ZDHHC14: variants seen among roughly 807,000 people sequenced by gnomAD.
The protein encoded by ZDHHC14 is zDHHC palmitoyltransferase 14.
A neutral mutation model predicts 47.7 loss-of-function variants in ZDHHC14; 16 were observed. That is an observed-to-expected ratio of 0.34 (90% CI 0.23 to 0.51). The LOEUF is 0.51. Ranked by LOEUF, ZDHHC14 falls within the 20% of genes least tolerant of loss-of-function variation. The pLI, the probability that ZDHHC14 is intolerant of heterozygous loss-of-function variation, is 0.97. For missense variants in ZDHHC14, 515 were observed against 662.5 expected (o/e 0.78, Z 2.44); for synonymous variants, 293 against 278.9 (o/e 1.05, Z -0.50).
chr6:157,479,426 C>G (rs1292142093), intron 1 of ZDHHC14, among the ~76,000 whole-genome samples: 1 of 152,146 alleles, frequency 6.6e-6, no homozygotes, highest in Non-Finnish European at 1.5e-5. Flanking sequence ...CGGTTTCCAA[C>G]AGGGGGAGTG....
intron 1 of ZDHHC14, among the ~76,000 whole-genome samples, chr6:157,511,547 C>CTTTTTTTTTTTTTTTTTTTTTTTTTT (rs34988240): frequency 2.1e-4 from 24 of 114,876 alleles, no homozygotes; most frequent in Admixed American, 4.0e-4. Context: ...AGCCCGGGTA[C>CTTTTTTTTTTTTTTTTTTTTTTTTTT]TTTTTTTTTT....
chr6:157,638,466 C>T (rs998776285), intron 5 of ZDHHC14, among the ~76,000 whole-genome samples: 7 of 152,108 alleles, frequency 4.6e-5, no homozygotes, highest in African/African-American at 1.7e-4. Flanking sequence ...CTGGCCTTCT[C>T]CATGGACACA....
At chr6:157,535,322 A>G (rs1781508024) in intron 1 of ZDHHC14, among the ~76,000 whole-genome samples, 1 of 152,198 alleles carries the variant, frequency 6.6e-6, no homozygotes, top group Non-Finnish European at 1.5e-5. Context: ...CTGTAGGGAA[A>G]AACCAGATTT....
intron 2 of ZDHHC14, among the ~76,000 whole-genome samples, chr6:157,589,556 G>C (rs958453255): frequency 2.0e-5 from 3 of 152,070 alleles, no homozygotes; most frequent in African/African-American, 7.2e-5. Context: ...GTTCTCATGA[G>C]ATATTTGCTT....
chr6:157,671,354 A>G (rs1010662063), intron 8 of ZDHHC14, among the ~76,000 whole-genome samples: 20 of 152,310 alleles, frequency 1.3e-4, no homozygotes, highest in African/African-American at 4.3e-4. Context: ...AGAGGGGAAC[A>G]GGCTCATTCT....
intron 1 of ZDHHC14, among the ~76,000 whole-genome samples, chr6:157,421,676 C>T (rs1040584365): frequency 2.6e-5 from 4 of 151,804 alleles, no homozygotes; most frequent in East Asian, 2.0e-4. Flanking sequence ...GGCACAATCC[C>T]GGCTCACAGC....
At chr6:157,659,146 G>T (rs1425421251) in intron 8 of ZDHHC14, among the ~76,000 whole-genome samples, 1 of 152,132 alleles carries the variant, frequency 6.6e-6, no homozygotes, top group Non-Finnish European at 1.5e-5. Context: ...GGAAGCTTAA[G>T]GACTGAAAAA....
intron 1 of ZDHHC14, among the ~76,000 whole-genome samples, chr6:157,453,961 C>G (rs1282401297): frequency 6.6e-6 from 1 of 152,106 alleles, no homozygotes; most frequent in Admixed American, 6.5e-5. Flanking sequence ...TATCTTGAAG[C>G]CTTTAGGTGT....
intron 1 of ZDHHC14, among the ~76,000 whole-genome samples, chr6:157,491,982 T>G (rs1054582843): frequency 2.0e-5 from 3 of 152,218 alleles, no homozygotes; most frequent in African/African-American, 7.2e-5. Context: ...TCCTGGTCCC[T>G]ACCACAGGCC....
intron 5 of ZDHHC14, among the ~76,000 whole-genome samples, chr6:157,636,336 AGTGTGTGT>A (rs112041409): frequency 3.4e-5 from 5 of 149,148 alleles, no homozygotes; most frequent in East Asian, 2.0e-4. Context: ...AGGATATATA[AGTGTGTGT>A]GTGTGTGTGT....
At chr6:157,449,385 T>C (rs1231002045) in intron 1 of ZDHHC14, among the ~76,000 whole-genome samples, 1 of 152,210 alleles carries the variant, frequency 6.6e-6, no homozygotes, top group African/African-American at 2.4e-5. Context: ...AAAAATCAGA[T>C]TTATTGAGGC....
intron 2 of ZDHHC14, among the ~76,000 whole-genome samples, chr6:157,592,411 C>T (rs988553418): frequency 4.6e-5 from 7 of 152,072 alleles, no homozygotes; most frequent in Non-Finnish European, 8.8e-5. Context: ...CTATACTTGG[C>T]ATTTTTGAGG....
intron 1 of ZDHHC14, among the ~76,000 whole-genome samples, chr6:157,458,848 G>GTTTTTTTTTTTTTTTTTTT (rs1778990291): frequency 1.5e-5 from 1 of 68,782 alleles, no homozygotes; most frequent in Non-Finnish European, 2.8e-5. Context: ...AATGTGGGTG[G>GTTTTTTTTTTTTTTTTTTT]ATTTTTTTTT....
At chr6:157,435,547 C>CT (rs140343379) in intron 1 of ZDHHC14, among the ~76,000 whole-genome samples, 47 of 149,416 alleles carry the variant, frequency 3.1e-4, no homozygotes, top group East Asian at 2.1e-3. Flanking sequence ...CTCTCTCTAT[C>CT]TTTTTTTTTT....
At position 157,587,272 on chromosome 6, in the gene ZDHHC14, T is replaced by TA. The variant is rs1432313100; in HGVS notation, c.407-5715dup. On this transcript the variant is annotated intron_variant, in intron 2 of 8. Transcript: ENST00000359775. ...CTCAGTGGCACCCAGCTGGCACCCA[T>TA]AGAGACCTGACCTTATCTTTGATGG... Among the ~76,000 whole-genome samples, 5 of 152,234 alleles carry TA rather than the reference T, an allele frequency of 3.3e-5. No homozygotes were observed. The East Asian group carries it at 9.6e-4, about 29-fold the overall frequency.
Position 157,673,034 on chromosome 6 carries a change from G to T in ZDHHC14, c.1379G>T (p.Ser460Ile). 6.4e-7 allele frequency: 1 copy of T among 1,565,154 alleles called. No individual in the cohort carries two copies. The highest frequency in any genetic ancestry group is 1.8e-5 in the Admixed American group (1 of 55,182). ...LLAAGSPLAHSRTMHVLGLAS... is the reference protein window; with the variant it reads ...LLAAGSPLAHIRTMHVLGLAS... The stretch of plus-strand genomic sequence containing the variant: ...GCGGCGGGCAGCCCCCTGGCGCACA[G>T]CCGCACCATGCACGTGCTGGGCCTG... The change falls in exon 9 of 9, where the codon AGC (serine) becomes ATC (isoleucine). Residue 460 changes from serine to isoleucine, a missense_variant. Ser to Ile is a moderately radical substitution (Grantham distance 142, BLOSUM62 -2). Coordinates refer to ENST00000359775, the MANE Select transcript of ZDHHC14 (RefSeq NM_024630.3). This position sits in a 1 kb window ranked among gnomAD's most constrained non-coding sequence, Gnocchi z 5.4.
chr6:157,428,626 C>G (rs1237954305), intron 1 of ZDHHC14, among the ~76,000 whole-genome samples: 1 of 150,434 alleles, frequency 6.6e-6, no homozygotes, highest in Non-Finnish European at 1.5e-5. Context: ...TCCCCCCGCC[C>G]GCCCCACCCC....
At chr6:157,454,908 T>C (rs1778879025) in intron 1 of ZDHHC14, among the ~76,000 whole-genome samples, 1 of 152,194 alleles carries the variant, frequency 6.6e-6, no homozygotes, top group Non-Finnish European at 1.5e-5. Flanking sequence ...TTGATTTCAG[T>C]TGGACCAGAA....
chr6:157,604,466 C>A (rs771528407), intron 3 of ZDHHC14, among the ~76,000 whole-genome samples: 1 of 152,082 alleles, frequency 6.6e-6, no homozygotes, highest in Non-Finnish European at 1.5e-5. Context: ...ACTGTGTTTA[C>A]TAGAACAATA....
Sources: allele counts gnomAD v4.1 joint callset (sites outside exome capture counted in the v4.1 genomes callset), GRCh38; gene constraint gnomAD v4.1.1; non-coding constraint Gnocchi (gnomAD v3.1); transcripts MANE v1.5; gene names NCBI Gene and HGNC (gene_info 2026-07-23, HGNC 2026-07-21).